Variants in NKAIN2 observed in about 807,000 individuals in gnomAD.
The protein encoded by NKAIN2 is sodium/potassium transporting ATPase interacting 2, also known as sodium/potassium-transporting ATPase subunit beta-1-interacting protein 2.
NKAIN2 carries 14 observed loss-of-function variants against 32.6 expected under a neutral mutation model. The ratio of observed to expected loss-of-function variants is 0.43; its 90% CI spans 0.28 to 0.67. NKAIN2 has a LOEUF of 0.67. NKAIN2 is among the 30% of genes least tolerant of loss of function. The pLI is 0.17. For missense variants in NKAIN2, 198 were observed against 258.3 expected (o/e 0.77, Z 1.60); for synonymous variants, 80 against 87.2 (o/e 0.92, Z 0.46).
chr6:124,719,377 T>C (rs1253334074), intron 4 of NKAIN2, among the ~76,000 whole-genome samples: 4 of 152,190 alleles, frequency 2.6e-5, no homozygotes, highest in Admixed American at 2.6e-4. Flanking sequence ...ATGTTACTTA[T>C]CACTATATGA....
At chr6:124,486,680 T>G (rs1777664428) in intron 3 of NKAIN2, among the ~76,000 whole-genome samples, 1 of 152,162 alleles carries the variant, frequency 6.6e-6, no homozygotes, top group South Asian at 2.1e-4. Flanking sequence ...GGGAAGCTCT[T>G]CTTTACAGAA....
At chr6:124,197,373 C>T (rs1188356038) in intron 1 of NKAIN2, among the ~76,000 whole-genome samples, 1 of 151,988 alleles carries the variant, frequency 6.6e-6, no homozygotes, top group African/African-American at 2.4e-5. Flanking sequence ...ACAGTCAATA[C>T]AGTTTGTGTC....
intron 4 of NKAIN2, among the ~76,000 whole-genome samples, chr6:124,709,960 G>A (rs1775347715): frequency 6.6e-6 from 1 of 151,754 alleles, no homozygotes; most frequent in Non-Finnish European, 1.5e-5. Context: ...TTTCTCTTGT[G>A]GGCATTTAGT....
At chr6:124,640,718 G>GCTGATGAGTTCTAACTTTA (rs1462052718) in intron 3 of NKAIN2, among the ~76,000 whole-genome samples, 2 of 152,196 alleles carry the variant, frequency 1.3e-5, no homozygotes, top group Non-Finnish European at 2.9e-5. Context: ...CCCACTCATA[G>GCTGATGAGTTCTAACTTTA]CTGATGAGTT....
At chr6:124,574,032 G>A (rs1781235691) in intron 3 of NKAIN2, among the ~76,000 whole-genome samples, 2 of 152,234 alleles carry the variant, frequency 1.3e-5, no homozygotes, top group South Asian at 4.1e-4. Flanking sequence ...AAAGCTCTGT[G>A]CATTGACATG....
chr6:124,359,482 C>T (rs1799163874), intron 3 of NKAIN2, among the ~76,000 whole-genome samples: 1 of 152,072 alleles, frequency 6.6e-6, no homozygotes, highest in South Asian at 2.1e-4. Context: ...TGAAGAGGTC[C>T]TTCACATCCC....
chr6:123,810,341 A>G (rs1773407510), intron 1 of NKAIN2, among the ~76,000 whole-genome samples: 1 of 152,060 alleles, frequency 6.6e-6, no homozygotes, highest in Non-Finnish European at 1.5e-5. Context: ...GAAAGTAAGT[A>G]CCTACCTACT....
intron 3 of NKAIN2, among the ~76,000 whole-genome samples, chr6:124,561,281 C>T (rs1780682367): frequency 6.6e-6 from 1 of 152,192 alleles, no homozygotes; most frequent in South Asian, 2.1e-4. Flanking sequence ...GTTTCGTCAA[C>T]ATATCTATAC....
At chr6:124,234,218 C>A (rs951284687) in intron 1 of NKAIN2, among the ~76,000 whole-genome samples, 1 of 152,164 alleles carries the variant, frequency 6.6e-6, no homozygotes, top group African/African-American at 2.4e-5. Context: ...CACTTCAATG[C>A]TACAGTTCCT....
intron 1 of NKAIN2, among the ~76,000 whole-genome samples, chr6:123,933,281 T>C (rs892257053): frequency 2.0e-5 from 3 of 152,222 alleles, no homozygotes; most frequent in Admixed American, 6.5e-5. Flanking sequence ...AATTTTAAAT[T>C]GTTAACATAT....
At chr6:123,897,976 A>G (rs1029803198) in intron 1 of NKAIN2, among the ~76,000 whole-genome samples, 2 of 152,216 alleles carry the variant, frequency 1.3e-5, no homozygotes, top group South Asian at 2.1e-4. Context: ...TTCCTAACAA[A>G]CAAAATATCC....
At chr6:123,819,264 A>T (rs1773825650) in intron 1 of NKAIN2, among the ~76,000 whole-genome samples, 1 of 152,158 alleles carries the variant, frequency 6.6e-6, no homozygotes, top group South Asian at 2.1e-4. Context: ...GCAGAATGAA[A>T]TACAGACAGA....
intron 3 of NKAIN2, among the ~76,000 whole-genome samples, chr6:124,434,518 G>A (rs1174170424): frequency 1.3e-5 from 2 of 152,110 alleles, no homozygotes; most frequent in Admixed American, 6.6e-5. Context: ...AGTTCCAAAA[G>A]ACAACAGTAG....
intron 1 of NKAIN2, among the ~76,000 whole-genome samples, chr6:123,835,481 TCATGA>T (rs1774578715): frequency 6.6e-6 from 1 of 152,238 alleles, no homozygotes; most frequent in Non-Finnish European, 1.5e-5. Context: ...TGCCTTTCTC[TCATGA>T]CTAAAGAGTA....
At chr6:124,083,100 G>T (rs539343092) in intron 1 of NKAIN2, among the ~76,000 whole-genome samples, 1 of 141,572 alleles carries the variant, frequency 7.1e-6, no homozygotes, top group Admixed American at 6.8e-5. Context: ...GACTTTATAC[G>T]TATACCAAAG....
At chr6:124,612,107 C>G (rs1782712039) in intron 3 of NKAIN2, among the ~76,000 whole-genome samples, 1 of 151,720 alleles carries the variant, frequency 6.6e-6, no homozygotes, top group African/African-American at 2.4e-5. Flanking sequence ...AACCCCTCCC[C>G]AGACTATATA....
chr6:124,706,434 T>A (rs1324975068), intron 4 of NKAIN2, among the ~76,000 whole-genome samples: 3 of 152,110 alleles, frequency 2.0e-5, no homozygotes, highest in Non-Finnish European at 4.4e-5. Flanking sequence ...AAGCGACATT[T>A]CCTTCTGGCT....
chr6:124,441,189 T>C (rs1372163538), intron 3 of NKAIN2, among the ~76,000 whole-genome samples: 1 of 152,090 alleles, frequency 6.6e-6, no homozygotes, highest in Admixed American at 6.6e-5. Flanking sequence ...TTTTATAATA[T>C]GGCTTTATGC....
chr6:124,066,998 A>G (rs201371873), intron 1 of NKAIN2, among the ~76,000 whole-genome samples: 3 of 152,220 alleles, frequency 2.0e-5, no homozygotes, highest in East Asian at 3.9e-4. Flanking sequence ...CCAGAAGAGA[A>G]TATCCTCTCT....
Sources: allele counts gnomAD v4.1 joint callset (sites outside exome capture counted in the v4.1 genomes callset), GRCh38; gene constraint gnomAD v4.1.1; transcripts MANE v1.5; gene names NCBI Gene and HGNC (gene_info 2026-07-23, HGNC 2026-07-21).